Variants in CACHD1 observed in about 807,000 individuals in gnomAD.
The protein encoded by CACHD1 is cache domain containing 1, also known as VWFA and cache domain-containing protein 1.
CACHD1 carries 71 observed loss-of-function variants against 138.7 expected under a neutral mutation model. The observed-to-expected ratio is 0.51, with a 90% confidence interval of 0.42 to 0.62. The LOEUF (loss-of-function observed/expected upper bound fraction) is 0.62, where lower values mean the gene tolerates loss of function less well. Among genes scored for constraint, CACHD1 ranks in the 20% least tolerant of loss-of-function variants. CACHD1 has a pLI of 0.00. For synonymous variants in CACHD1, 578 were observed against 591.5 expected (o/e 0.98, Z 0.33); for missense variants, 1,389 against 1,625.3 (o/e 0.85, Z 2.50).
Position 64,658,809 on chromosome 1 carries a change from C to T in CACHD1, c.1887C>T (p.Tyr629=), listed in dbSNP as rs1485514337. The T allele has an allele frequency of 6.3e-7, 1 of 1,598,272 alleles. No homozygotes were observed. Among genetic ancestry groups the T allele is most frequent in the Admixed American group, 1.7e-5 (1 of 58,486 alleles). ...CTGTTCCCAGCAGCAAGCTGCTGTA[C>T]CACCGGCTGGATCTCCTTGGCCAGC... ...LNTVPSSKLL[Y]HRLDLLGQPS... Residue 629 remains tyrosine, a synonymous_variant, in exon 13 of 27, where the codon TAC becomes TAT. Transcript: ENST00000651257.
chr1:64,519,530 G>A (rs1391459072), intron 1 of CACHD1, among the ~76,000 whole-genome samples: 1 of 152,036 alleles, frequency 6.6e-6, no homozygotes, highest in East Asian at 1.9e-4. Flanking sequence ...CAAACTATCT[G>A]GTAAGTCTGA....
intron 4 of CACHD1, among the ~76,000 whole-genome samples, chr1:64,623,605 T>C (rs1473223147): frequency 2.0e-5 from 3 of 152,066 alleles, no homozygotes; most frequent in Non-Finnish European, 4.4e-5. Flanking sequence ...TCGAGGATCT[T>C]AGAATCTAGG....
At chr1:64,678,850 A>C (rs1206187041) in intron 23 of CACHD1, among the ~76,000 whole-genome samples, 1 of 152,214 alleles carries the variant, frequency 6.6e-6, no homozygotes, top group African/African-American at 2.4e-5. Context: ...GACCTCAAAA[A>C]TACTGCCAAG....
intron 3 of CACHD1, among the ~76,000 whole-genome samples, chr1:64,596,109 A>AG (rs538548237): frequency 1.6e-4 from 24 of 151,788 alleles, no homozygotes; most frequent in Non-Finnish European, 2.9e-4. Flanking sequence ...AACTCAGTCG[A>AG]GGGGGGGGTT....
intron 26 of CACHD1, among the ~76,000 whole-genome samples, chr1:64,690,396 C>T (rs1650509661): frequency 6.6e-6 from 1 of 152,104 alleles, no homozygotes; most frequent in African/African-American, 2.4e-5. Flanking sequence ...ACTGTAGATG[C>T]AATGGAAATA....
At chr1:64,637,594 G>C (rs1648569406) in intron 7 of CACHD1, among the ~76,000 whole-genome samples, 2 of 152,172 alleles carry the variant, frequency 1.3e-5, no homozygotes, top group Admixed American at 1.3e-4. Context: ...GGATTTTTCT[G>C]TGTTGTTTTT....
rs1557546186 is a variant in CACHD1 at position 64,664,063 on chromosome 1, C to T, written c.2094+226C>T. ...GAATCTGTTACAGGCCTTAGAAGCA[C>T]TGGGGGTTTCCAGTGATGTTAGAGG... On this transcript the variant is annotated intron_variant, in intron 14 of 26. Transcript: ENST00000651257. 3 of 540,592 alleles carry T rather than the reference C, an allele frequency of 5.5e-6. No homozygotes were observed. In the Admixed American group the frequency reaches 1.0e-4, roughly 18 times the overall value. The allele number at this position is 540,592 out of a possible 1,614,324, so 33.5% of individuals were successfully genotyped here.
chr1:64,495,736 G>A (rs1646302612), intron 1 of CACHD1, among the ~76,000 whole-genome samples: 3 of 151,424 alleles, frequency 2.0e-5, no homozygotes, highest in African/African-American at 2.4e-5. Flanking sequence ...GCTGTAATGA[G>A]TTTTCAAAGA....
At chr1:64,575,033 T>C (rs1646956127) in intron 2 of CACHD1, among the ~76,000 whole-genome samples, 1 of 152,236 alleles carries the variant, frequency 6.6e-6, no homozygotes, top group Non-Finnish European at 1.5e-5. Flanking sequence ...TCTAGCTCTG[T>C]TGTTAGAAAA....
chr1:64,607,221 G>C (rs1476394476), intron 4 of CACHD1, among the ~76,000 whole-genome samples: 1 of 152,168 alleles, frequency 6.6e-6, no homozygotes, highest in Admixed American at 6.5e-5. Flanking sequence ...TGGAAAGGGA[G>C]CTGAGAAGGG....
At chr1:64,621,994 G>C (rs1398306458) in intron 4 of CACHD1, among the ~76,000 whole-genome samples, 1 of 152,210 alleles carries the variant, frequency 6.6e-6, no homozygotes, top group Admixed American at 6.5e-5. Context: ...ACTTGAACCT[G>C]TGGCTTTTCA....
intron 16 of CACHD1, among the ~76,000 whole-genome samples, chr1:64,668,716 C>T (rs955679643): frequency 1.3e-5 from 2 of 152,200 alleles, no homozygotes; most frequent in Non-Finnish European, 2.9e-5. Flanking sequence ...TGAAATCCCA[C>T]GCACCTGGTC....
intron 1 of CACHD1, among the ~76,000 whole-genome samples, chr1:64,504,255 C>T (rs1199281581): frequency 6.6e-6 from 1 of 152,186 alleles, no homozygotes; most frequent in African/African-American, 2.4e-5. Flanking sequence ...TCTCAAACTC[C>T]TAAGCTCAAA....
In CACHD1 at chr1:64,641,859, C is replaced by T. The variant is rs376001325; in HGVS notation, c.1046C>T (p.Thr349Ile). The T allele has an allele frequency of 1.2e-5, 17 of 1,404,152 alleles. No homozygotes were observed. Among genetic ancestry groups the T allele is most frequent in the Non-Finnish European group, 1.5e-5 (15 of 1,033,274 alleles). The allele number at this position is 1,404,152 out of a possible 1,614,324, so 87.0% of individuals were successfully genotyped here. A position where few individuals can be genotyped will look rare whatever the true frequency, so the allele number is the denominator to read the frequency against. Residue 349 changes from threonine to isoleucine, a missense_variant, in exon 8 of 27, where the codon ACA (threonine) becomes ATA (isoleucine). This residue lies in a region of CACHD1 where 1,000 missense variants were observed against 1,114.7 expected (regional missense o/e 0.90). Transcript: ENST00000651257. Reference protein sequence around the residue: ...MVIIYLSAGITSKDSSEEDKK... With the variant: ...MVIIYLSAGIISKDSSEEDKK... Reference sequence around the variant, plus strand: ...ATCATTTACCTGTCAGCTGGCATTACATCAAAGGACTCTTCGGAAGAAGAT... The same window carrying T: ...ATCATTTACCTGTCAGCTGGCATTATATCAAAGGACTCTTCGGAAGAAGAT...
At chr1:64,556,157 G>A (rs1288325681) in intron 2 of CACHD1, among the ~76,000 whole-genome samples, 1 of 152,140 alleles carries the variant, frequency 6.6e-6, no homozygotes, top group African/African-American at 2.4e-5. Flanking sequence ...ACATTCTCAG[G>A]AAGAAAGCAG....
chr1:64,543,413 A>ATG (rs1363069333), intron 1 of CACHD1, among the ~76,000 whole-genome samples: 1 of 144,702 alleles, frequency 6.9e-6, no homozygotes, highest in Non-Finnish European at 1.5e-5. Context: ...ATATATATAT[A>ATG]TATATATATA....
rs922910964 is a variant in CACHD1 at position 64,681,173 on chromosome 1, A to G, written c.3407-85A>G. The G allele has an allele frequency of 6.3e-6, 6 of 958,888 alleles. No individual in the cohort carries two copies. The African/African-American group carries it at 9.8e-5, about 16-fold the overall frequency. 59.4% of individuals were successfully genotyped at this position (958,888 alleles called of 1,614,324 possible). On this transcript the variant is annotated intron_variant, in intron 24 of 26. Coordinates refer to ENST00000651257, the MANE Select transcript of CACHD1 (RefSeq NM_020925.4). ...CTTGATGGAATGCTGTCACCCAGCC[A>G]TCAAACAAGTGCTCAGCAGGGTATT...
intron 4 of CACHD1, among the ~76,000 whole-genome samples, chr1:64,620,224 T>A (rs1647860136): frequency 6.6e-6 from 1 of 152,168 alleles, no homozygotes; most frequent in South Asian, 2.1e-4. Context: ...TTTGTTAATA[T>A]AAAATAGAGA....
intron 2 of CACHD1, among the ~76,000 whole-genome samples, chr1:64,565,076 A>T (rs1646871070): frequency 6.7e-6 from 1 of 150,208 alleles, no homozygotes; most frequent in Non-Finnish European, 1.5e-5. Flanking sequence ...GTAATCTAGT[A>T]TGGTGGTAGC....
Sources: gnomAD v4.1 joint callset for allele counts (sites outside exome capture counted in the v4.1 genomes callset) on GRCh38, gnomAD v4.1.1 for gene constraint, gnomAD v4.1.1 regional missense constraint, MANE v1.5 for transcripts, NCBI Gene and HGNC (gene_info 2026-07-23, HGNC 2026-07-21) for gene names.